Variants in ORC4 observed in about 807,000 individuals in gnomAD.
ORC4 encodes the protein origin recognition complex subunit 4.
A neutral mutation model predicts 63.9 loss-of-function variants in ORC4; 55 were observed. That is an observed-to-expected ratio of 0.86 (90% CI 0.69 to 1.08). The LOEUF is 1.08. Ranked by LOEUF, ORC4 falls within the 50% of genes least tolerant of loss-of-function variation. The probability of loss-of-function intolerance (pLI) is 0.00; values close to 1 mark genes in which losing one functional copy is unlikely to be tolerated. For synonymous variants in ORC4, 150 were observed against 168.5 expected (o/e 0.89, Z 0.85); for missense variants, 511 against 504.4 (o/e 1.01, Z -0.13).
chr2:147,935,743 T>G, intron 13 of ORC4, 45 bp from the exon 14 acceptor site: 2 of 1,505,478 alleles, frequency 1.3e-6, no homozygotes, highest in South Asian at 1.1e-5. Flanking sequence ...GAGAGGAGAG[T>G]GACAACTCTC....
rs1020944842 is a variant in ORC4, at chr2:147,948,194, T to C, written c.619A>G (p.Lys207Glu). ...ATCTGCCGGTGAGAAAATCTTGACT[T>C]CACTCTTTTTTCTAAGAGTTCCAAA... ...DILELLEKRV[K>E]SRFSHRQIHL... Residue 207 changes from lysine (K) to glutamate (E), a missense_variant, in exon 9 of 14, where the codon AAG (lysine) becomes GAG (glutamate). Lys to Glu is a moderately conservative substitution (Grantham distance 56). Coordinates refer to ENST00000392857, the MANE Select transcript of ORC4 (RefSeq NM_181741.4). 2 of 1,609,286 alleles carry C rather than the reference T, an allele frequency of 1.2e-6. No homozygotes were observed. Among genetic ancestry groups the C allele is most frequent in the Non-Finnish European group, 1.7e-6 (2 of 1,176,738 alleles).
At chr2:147,981,154 T>C (rs1442074276) in intron 1 of ORC4, among the ~76,000 whole-genome samples, 1 of 152,160 alleles carries the variant, frequency 6.6e-6, no homozygotes, top group African/African-American at 2.4e-5. Context: ...ATTTATACAG[T>C]AGTCTCTCCT....
chr2:147,976,557 C>A (rs1690570823), intron 1 of ORC4, among the ~76,000 whole-genome samples: 1 of 152,040 alleles, frequency 6.6e-6, no homozygotes, highest in Non-Finnish European at 1.5e-5. Flanking sequence ...TATTCACCTT[C>A]CCTTTCTTCC....
At chr2:147,958,554 T>A in intron 5 of ORC4, 171 bp from the exon 6 acceptor site, 1 of 610,594 alleles carries the variant, frequency 1.6e-6, no homozygotes. Flanking sequence ...ACAATCCTCC[T>A]TGGGATTAGA....
intron 3 of ORC4, 112 bp downstream of exon 3, chr2:147,973,336 A>G: frequency 1.3e-6 from 1 of 749,256 alleles, no homozygotes. Flanking sequence ...TTTTATTTCT[A>G]TAAAAGTGTT....
chr2:147,975,093 C>T (rs1258736483), intron 2 of ORC4, among the ~76,000 whole-genome samples: 1 of 151,966 alleles, frequency 6.6e-6, no homozygotes, highest in East Asian at 1.9e-4. Flanking sequence ...AAAGCCAAGT[C>T]GTATAAAAGA....
At chr2:148,021,073 G>A (rs1693685087), upstream of ORC4, 1 of 152,844 alleles carries the variant, frequency 6.5e-6, no homozygotes, top group African/African-American at 2.4e-5. Flanking sequence ...TCTTCTACCC[G>A]AACCCCCCCT....
At chr2:147,984,693 A>G (rs1045799506) in intron 1 of ORC4, among the ~76,000 whole-genome samples, 10 of 152,246 alleles carry the variant, frequency 6.6e-5, no homozygotes, top group Non-Finnish European at 7.3e-5. Flanking sequence ...TAGGAATTGT[A>G]AAAATGTGTC....
chr2:147,981,874 T>C (rs1366873613), intron 1 of ORC4: 1 of 152,182 alleles, frequency 6.6e-6, no homozygotes, highest in African/African-American at 2.4e-5. Flanking sequence ...GATCAGCCAA[T>C]ATATTTTACA....
At position 147,984,082 on chromosome 2, in the gene ORC4, G is replaced by A. The variant is rs536705145; in HGVS notation, c.-17-8107C>T. Among the ~76,000 whole-genome samples, 25 of 152,292 alleles carry A rather than the reference G, an allele frequency of 1.6e-4. No homozygotes were observed. In the East Asian group the frequency reaches 4.4e-3, roughly 27 times the overall value. On this transcript the variant is annotated intron_variant, in intron 1 of 13. Transcript: ENST00000392857. Reference sequence around the variant, plus strand: ...ACTGGAATCAAAGCAAATGGTTGAGGAAGGGTTGATACTGTATAGAAACAT... The same window carrying A: ...ACTGGAATCAAAGCAAATGGTTGAGAAAGGGTTGATACTGTATAGAAACAT...
chr2:147,937,865 G>A (rs1243785390), intron 13 of ORC4: 2 of 373,042 alleles, frequency 5.4e-6, no homozygotes, highest in South Asian at 3.8e-5. Flanking sequence ...TCCTTGGGTT[G>A]GAAAGGGAAA....
chr2:147,972,397 A>G (rs1241552767), intron 4 of ORC4, among the ~76,000 whole-genome samples: 2 of 152,166 alleles, frequency 1.3e-5, no homozygotes, highest in Non-Finnish European at 2.9e-5. Flanking sequence ...AAAGACACAT[A>G]GTACATGCTC....
chr2:147,986,429 AAAG>A (rs1280823258), intron 1 of ORC4, among the ~76,000 whole-genome samples: 2 of 152,222 alleles, frequency 1.3e-5, no homozygotes, highest in African/African-American at 4.8e-5. Context: ...TCAAATATGA[AAAG>A]AAGAAAACTG....
chr2:147,950,831 T>C (rs1688919324), intron 8 of ORC4, among the ~76,000 whole-genome samples: 1 of 151,000 alleles, frequency 6.6e-6, no homozygotes, highest in Non-Finnish European at 1.5e-5. Flanking sequence ...GAGAATTATA[T>C]ATATACAATA....
At chr2:147,936,584 A>T (rs1688063072) in intron 13 of ORC4, 1 of 152,212 alleles carries the variant, frequency 6.6e-6, no homozygotes, top group Admixed American at 6.5e-5. Context: ...AACAGCTCAG[A>T]TACCTTCATA....
intron 1 of ORC4, among the ~76,000 whole-genome samples, chr2:148,011,077 C>A (rs1262073814): frequency 6.6e-6 from 1 of 152,058 alleles, no homozygotes; most frequent in Non-Finnish European, 1.5e-5. Flanking sequence ...GATCTGCCTG[C>A]CTCAGCCTCC....
intron 1 of ORC4, among the ~76,000 whole-genome samples, chr2:148,015,092 C>G (rs2105475479): frequency 1.3e-5 from 2 of 151,054 alleles, no homozygotes; most frequent in South Asian, 4.2e-4. Flanking sequence ...CCTCTACCCC[C>G]ACAACCACAC....
At chr2:148,008,021 C>T (rs192804504) in intron 1 of ORC4, among the ~76,000 whole-genome samples, 2 of 152,224 alleles carry the variant, frequency 1.3e-5, no homozygotes, top group East Asian at 1.9e-4. Flanking sequence ...GCAAAAACCA[C>T]GTTAACTTTT....
chr2:147,938,478 A>C lies in ORC4; in HGVS notation c.959-85T>G, dbSNP rs1688184159. 4.9e-5 allele frequency: 41 copies of C among 830,778 alleles called. 1 individual carries two copies. The South Asian group carries it at 5.6e-4, about 11-fold the overall frequency. 51.5% of individuals were successfully genotyped at this position (830,778 alleles called of 1,614,324 possible). On this transcript the variant is annotated intron_variant, in intron 11 of 13. Transcript: ENST00000392857. ...TCTCCAAAGAATACAATATAGTGAA[A>C]GATCTATGGTTCTGAGGGGTGAAGA...
Sources: gnomAD v4.1 joint callset for allele counts (sites outside exome capture counted in the v4.1 genomes callset) on GRCh38, gnomAD v4.1.1 for gene constraint, MANE v1.5 for transcripts, NCBI Gene and HGNC (gene_info 2026-07-23, HGNC 2026-07-21) for gene names.